Variants in QSER1 observed in about 807,000 individuals in gnomAD.
The protein encoded by QSER1 is glutamine and serine rich 1, also known as glutamine and serine-rich protein 1.
Under a neutral mutation model 158.5 loss-of-function variants are expected in QSER1, and 49 were observed. The ratio of observed to expected loss-of-function variants is 0.31; its 90% CI spans 0.25 to 0.39. QSER1 has a LOEUF of 0.39. Ranked by LOEUF, QSER1 falls within the 10% of genes least tolerant of loss-of-function variation. QSER1 has a pLI of 1.00. For synonymous variants in QSER1, 650 were observed against 715.5 expected (o/e 0.91, Z 1.46); for missense variants, 1,754 against 2,010.3 (o/e 0.87, Z 2.44).
intron 7 of QSER1, among the ~76,000 whole-genome samples, chr11:32,957,460 C>T (rs1057033109): frequency 6.6e-6 from 1 of 152,120 alleles, no homozygotes; most frequent in African/African-American, 2.4e-5. Context: ...ACATCAAAAC[C>T]TGACACCACC....
intron 3 of QSER1, among the ~76,000 whole-genome samples, chr11:32,928,568 A>G (rs1852005620): frequency 6.6e-6 from 1 of 152,188 alleles, no homozygotes; most frequent in Non-Finnish European, 1.5e-5. Flanking sequence ...ACAAGTTGAT[A>G]TTATGATGTG....
chr11:32,943,962 G>T (rs1406440270), intron 4 of QSER1, among the ~76,000 whole-genome samples: 1 of 150,408 alleles, frequency 6.6e-6, no homozygotes. Flanking sequence ...GTTTAGTCTT[G>T]GGAGAGTGTA....
chr11:32,907,159 A>G (rs191181719), intron 1 of QSER1, among the ~76,000 whole-genome samples: 18 of 152,344 alleles, frequency 1.2e-4, no homozygotes, highest in Admixed American at 3.3e-4. Flanking sequence ...AAACAGAAGC[A>G]TCAAACTTTT....
At chr11:32,944,081 A>C (rs1201715318) in intron 4 of QSER1, among the ~76,000 whole-genome samples, 1 of 152,100 alleles carries the variant, frequency 6.6e-6, no homozygotes, top group Non-Finnish European at 1.5e-5. Context: ...TGGTGGTGAT[A>C]TCCCCTTTAT....
At chr11:32,955,214 C>A in intron 5 of QSER1, 82 bp from the exon 6 acceptor site, 1 of 741,612 alleles carries the variant, frequency 1.3e-6, no homozygotes, top group Non-Finnish European at 2.2e-6. Flanking sequence ...GTAGGCCTTT[C>A]AGATTCCTTT....
At chr11:32,929,099 T>C (rs1353393049) in intron 3 of QSER1, among the ~76,000 whole-genome samples, 2 of 152,110 alleles carry the variant, frequency 1.3e-5, no homozygotes, top group Admixed American at 6.5e-5. Flanking sequence ...TGTGGTTTTT[T>C]AGGTTTCAAT....
At chr11:32,972,235 A>C (rs931500287) in intron 10 of QSER1, among the ~76,000 whole-genome samples, 1 of 152,048 alleles carries the variant, frequency 6.6e-6, no homozygotes, top group African/African-American at 2.4e-5. Flanking sequence ...GGAGGACTTC[A>C]ACATTTTTAG....
chr11:32,927,687 A>G (rs7481844), intron 2 of QSER1, among the ~76,000 whole-genome samples: 116,445 of 152,166 alleles, frequency 0.77, 45,652 homozygotes, highest in East Asian at 0.99. Context: ...GATTACAGGC[A>G]TGAGCCGCCA....
rs529770056 is a variant in QSER1 at position 32,959,867 on chromosome 11, T to A, written c.4969+1781T>A. 1.4e-4 allele frequency among the ~76,000 whole-genome samples: 22 copies of A among 152,234 alleles called. 1 individual carries two copies. The highest frequency in any genetic ancestry group is 4.1e-4 in the South Asian group (2 of 4,826). On this transcript the variant is annotated intron_variant, in intron 8 of 12. Coordinates refer to ENST00000650167, the MANE Select transcript of QSER1 (RefSeq NM_001076786.3). ...GCCTCGACCTCCCAGGCTCAAGTGA[T>A]CCTCCCACCTCAGCCTCCTGAGTAG...
At chr11:32,930,196 A>T (rs562545882) in intron 3 of QSER1, among the ~76,000 whole-genome samples, 1 of 152,344 alleles carries the variant, frequency 6.6e-6, no homozygotes, top group East Asian at 1.9e-4. Context: ...GGTAAAGAGC[A>T]GTAGAGTCAA....
Position 32,973,677 on chromosome 11 carries a change from A to G in QSER1, c.5358+128A>G, listed in dbSNP as rs999083516. 64 of 868,958 alleles carry G rather than the reference A, an allele frequency of 7.4e-5. No individual in the cohort carries two copies. The East Asian group carries it at 1.7e-3, about 23-fold the overall frequency. 53.8% of individuals were successfully genotyped at this position (868,958 alleles called of 1,614,324 possible). A position where few individuals can be genotyped will look rare whatever the true frequency, so the allele number is the denominator to read the frequency against. On this transcript the variant is annotated intron_variant, in intron 11 of 12. Coordinates refer to ENST00000650167, the MANE Select transcript of QSER1 (RefSeq NM_001076786.3). ...AAGTGTGAAGGTTTTTCAGGTAGGA[A>G]TAAGCGTCACTGGCCTGAGGAACAG...
chr11:32,972,037 T>C (rs1166268518), intron 10 of QSER1, among the ~76,000 whole-genome samples: 1 of 146,150 alleles, frequency 6.8e-6, no homozygotes. Flanking sequence ...CACTCTAGCC[T>C]GGATGACAGA....
At chr11:32,975,166 C>G in intron 11 of QSER1, 82 bp from the exon 12 acceptor site, 1 of 961,926 alleles carries the variant, frequency 1.0e-6, no homozygotes, top group African/African-American at 1.6e-5. Flanking sequence ...GCCATTGAGA[C>G]TTTTGATCTA....
rs749036651 is a variant in QSER1 at position 32,935,182 on chromosome 11, A to G, written c.3924A>G (p.Pro1308=). The part of the protein sequence containing the change: ...AVRMPNRTRR[P]GTQMVRTFCP... ...GAATGCCTAACAGGACTAGACGGCC[A>G]GGGACCCAGATGGTTCGTACATTTT... Residue 1308 remains proline (P), a synonymous_variant, in exon 4 of 13, where the codon CCA becomes CCG. Transcript: ENST00000650167. The G allele has an allele frequency of 1.9e-6, 3 of 1,614,074 alleles. No individual in the cohort carries two copies. The highest frequency in any genetic ancestry group is 1.7e-5 in the Admixed American group (1 of 59,954).
intron 4 of QSER1, among the ~76,000 whole-genome samples, chr11:32,953,011 C>A (rs529891013): frequency 1.1e-4 from 17 of 152,134 alleles, no homozygotes; most frequent in Admixed American, 4.6e-4. Context: ...CCATGTTGGT[C>A]AGGCTGGTCT....
chr11:32,897,047 A>G (rs75891528), intron 1 of QSER1, among the ~76,000 whole-genome samples: 2,954 of 152,352 alleles, frequency 0.019, 46 homozygotes, highest in South Asian at 0.037. Context: ...TGTCATTTAC[A>G]TCACTAGCAA....
chr11:32,964,745 C>T (rs376960596), intron 8 of QSER1, among the ~76,000 whole-genome samples: 5,587 of 60,038 alleles, frequency 0.093, 328 homozygotes, highest in African/African-American at 0.21. Context: ...TATATACACA[C>T]ACACACACAC....
At chr11:32,894,990 A>AT (rs943921337) in intron 1 of QSER1, among the ~76,000 whole-genome samples, 4 of 152,168 alleles carry the variant, frequency 2.6e-5, no homozygotes, top group African/African-American at 9.7e-5. Flanking sequence ...TTTGTGCCGC[A>AT]TTTTTTATCT....
Position 32,927,154 on chromosome 11 carries a change from T to C in QSER1, c.210-3T>C, listed in dbSNP as rs1435958683. On this transcript the variant is annotated splice_region_variant and splice_polypyrimidine_tract_variant and intron_variant, in intron 1 of 12. Coordinates refer to ENST00000650167, the MANE Select transcript of QSER1 (RefSeq NM_001076786.3). ...TTGGTCACTGATTTTTAATGTCCTC[T>C]AGTTTAAGCTATGAAGAAGGACATC... The C allele has an allele frequency of 1.3e-5, 2 of 152,612 alleles. No individual in the cohort carries two copies. Among genetic ancestry groups the C allele is most frequent in the African/African-American group, 2.4e-5 (1 of 41,432 alleles). 9.5% of individuals were successfully genotyped at this position (152,612 alleles called of 1,614,324 possible).
Sources: allele counts gnomAD v4.1 joint callset (sites outside exome capture counted in the v4.1 genomes callset), GRCh38; gene constraint gnomAD v4.1.1; transcripts MANE v1.5; gene names NCBI Gene and HGNC (gene_info 2026-07-23, HGNC 2026-07-21).